CASKIN2: variants seen among roughly 807,000 people sequenced by gnomAD.
The protein encoded by CASKIN2 is CASK interacting protein 2, also known as caskin-2.
A neutral mutation model predicts 107.1 loss-of-function variants in CASKIN2; 41 were observed. That is an observed-to-expected ratio of 0.38 (90% CI 0.30 to 0.50). The LOEUF (loss-of-function observed/expected upper bound fraction) is 0.50. Among genes scored for constraint, CASKIN2 ranks in the 20% least tolerant of loss-of-function variants. The probability of loss-of-function intolerance (pLI) is 0.92; values close to 1 mark genes in which losing one functional copy is unlikely to be tolerated. For missense variants in CASKIN2, 1,546 were observed against 1,657.4 expected (o/e 0.93, Z 1.17); for synonymous variants, 724 against 705.6 (o/e 1.03, Z -0.41).
rs764435621 is a variant in CASKIN2, at chr17:75,507,684, GA to G, written c.147-4del. ...CAGCGTGGTGGAGGGCAGAGAATCT[GA>G]TGTGGGAGGACACAAAGTTAGGGGT... On this transcript the variant is annotated splice_polypyrimidine_tract_variant and splice_region_variant and intron_variant, in intron 3 of 19. Transcript: ENST00000321617. The G allele has an allele frequency of 6.2e-6, 10 of 1,609,066 alleles. No individual in the cohort carries two copies. The East Asian group carries it at 2.2e-4, about 36-fold the overall frequency.
At chr17:75,514,565 C>A (rs2053340576) in intron 1 of CASKIN2, among the ~76,000 whole-genome samples, 2 of 152,208 alleles carry the variant, frequency 1.3e-5, no homozygotes, top group African/African-American at 2.4e-5. Context: ...CACCCACAGA[C>A]AACTGGCGGG....
rs9890605 is a variant in CASKIN2, at chr17:75,514,222, G to A, written c.-404-14C>T. ...GGTCTCAGGGCTCTGGAAAAAGCACGGGGCCTCTGTCGAATGCTGGGCCAC... is the reference window on the plus strand; with the variant it reads ...GGTCTCAGGGCTCTGGAAAAAGCACAGGGCCTCTGTCGAATGCTGGGCCAC... On this transcript the variant is annotated splice_polypyrimidine_tract_variant and intron_variant, in intron 1 of 19. Coordinates refer to ENST00000321617, the MANE Select transcript of CASKIN2 (RefSeq NM_020753.5). 0.86 allele frequency: 377,659 copies of A among 437,846 alleles called. 166,019 individuals are homozygous for A. Among genetic ancestry groups the A allele is most frequent in the African/African-American group, 0.97 (48,763 of 50,102 alleles). 27.1% of individuals were successfully genotyped at this position (437,846 alleles called of 1,614,324 possible).
intron 2 of CASKIN2, among the ~76,000 whole-genome samples, chr17:75,510,402 A>T (rs2053306812): frequency 6.6e-6 from 1 of 152,104 alleles, no homozygotes; most frequent in Non-Finnish European, 1.5e-5. Context: ...AGAAGAAAAA[A>T]GGGGAGTCCT....
intron 12 of CASKIN2, 36 bp downstream of exon 12, chr17:75,504,536 T>A: frequency 6.3e-7 from 1 of 1,594,806 alleles, no homozygotes; most frequent in Non-Finnish European, 8.6e-7. Flanking sequence ...CAGTGGGGAG[T>A]GAGCCCTGAC....
intron 2 of CASKIN2, among the ~76,000 whole-genome samples, chr17:75,511,302 C>T (rs983028612): frequency 8.5e-5 from 13 of 152,078 alleles, no homozygotes; most frequent in Non-Finnish European, 2.9e-5. Context: ...GTCAAGTGAT[C>T]TGCCCACCTC....
chr17:75,503,190 C>A lies in CASKIN2; in HGVS notation c.1884G>T (p.Gln628His). 1.2e-6 allele frequency: 2 copies of A among 1,600,538 alleles called. No homozygotes were observed. Among genetic ancestry groups the A allele is most frequent in the Non-Finnish European group, 1.7e-6 (2 of 1,176,020 alleles). ...RLAELRRGLL[Q>H]GEALSEGGRR... is the part of the protein sequence containing the mutation. ...GCCCGCCTTCGCTGAGGGCCTCCCC[C>A]TGCAGCAGGCCCCGCCGAAGCTCCG... The change falls in exon 18 of 20, where the codon CAG becomes CAT. Residue 628 changes from glutamine to histidine, a missense_variant. Coordinates refer to ENST00000321617, the MANE Select transcript of CASKIN2 (RefSeq NM_020753.5).
rs1360184657 is a variant in CASKIN2 at position 75,501,496 on chromosome 17, TCTC to T, written c.3487_3489del (p.Glu1163del). 6.2e-7 allele frequency: 1 copy of T among 1,611,900 alleles called. No individual in the cohort carries two copies. The highest frequency in any genetic ancestry group is 8.5e-7 in the Non-Finnish European group (1 of 1,179,136). On this transcript the variant is annotated inframe_deletion, in exon 19 of 20. Transcript: ENST00000321617. ...TCTTGCTCCTTGGTGCCAATGCTCT[TCTC>T]TGCGGCTCTCAGTGCAGCTGCCAGG...
At chr17:75,514,321 C>T (rs1009475672) in intron 1 of CASKIN2, 113 bp from the exon 2 acceptor site, 2 of 399,046 alleles carry the variant, frequency 5.0e-6, no homozygotes, top group Non-Finnish European at 8.8e-6. Flanking sequence ...CCAAGCCACC[C>T]TGGCTCCCCT....
At position 75,501,850 on chromosome 17, in the gene CASKIN2, G is replaced by A. The variant is rs1598461851; in HGVS notation, c.3224C>T (p.Ala1075Val). The change falls in exon 18 of 20, where the codon GCA (alanine) becomes GTA (valine). Residue 1075 changes from alanine to valine, a missense_variant. By Grantham distance (64) the Ala-to-Val change is moderately conservative. This residue lies in a region of CASKIN2 where 1,311 missense variants were observed against 1,311.0 expected (regional missense o/e 1.00). Transcript: ENST00000321617. ...PCPGPGLESSAASRWNGETEP... is the reference protein window; with the variant it reads ...PCPGPGLESSVASRWNGETEP... The stretch of plus-strand genomic sequence containing the variant: ...TGTCTCCCCATTCCACCGACTAGCT[G>A]CTGAGCTTTCCAGACCTGGCCCTGG... 2 of 1,559,984 alleles carry A rather than the reference G, an allele frequency of 1.3e-6. No homozygotes were observed. The highest frequency in any genetic ancestry group is 8.7e-7 in the Non-Finnish European group (1 of 1,155,288).
chr17:75,504,779 C>CA (rs775363918), intron 11 of CASKIN2, 33 bp downstream of exon 11: 16 of 1,589,384 alleles, frequency 1.0e-5, no homozygotes, highest in Non-Finnish European at 1.4e-5. Context: ...CACGCCCACA[C>CA]AGTGCCCAGC....
At position 75,505,092 on chromosome 17, in the gene CASKIN2, G is replaced by A. The variant is rs750733479; in HGVS notation, c.931-19C>T. Reference sequence around the variant, plus strand: ...CTAGCACCTGCGGCCAGGGGTGGGGGGCGGGGACGGTCACTCCCAGCACCA... The same window carrying A: ...CTAGCACCTGCGGCCAGGGGTGGGGAGCGGGGACGGTCACTCCCAGCACCA... On this transcript the variant is annotated intron_variant, in intron 10 of 19. Coordinates refer to ENST00000321617, the MANE Select transcript of CASKIN2 (RefSeq NM_020753.5). The surrounding 1 kb of genome is among the most constrained non-coding windows in gnomAD (Gnocchi z 5.1). The A allele has an allele frequency of 1.5e-5, 21 of 1,373,260 alleles. No homozygotes were observed. The Middle Eastern group carries it at 6.3e-4, about 41-fold the overall frequency. The allele number at this position is 1,373,260 out of a possible 1,614,324, so 85.1% of individuals were successfully genotyped here.
Position 75,506,272 on chromosome 17 carries a change from G to C in CASKIN2, c.726+33C>G, listed in dbSNP as rs373448743. On this transcript the variant is annotated intron_variant, in intron 8 of 19. Coordinates refer to ENST00000321617, the MANE Select transcript of CASKIN2 (RefSeq NM_020753.5). This position sits in a 1 kb window ranked among gnomAD's most constrained non-coding sequence, Gnocchi z 4.8. ...AGGGGCACAGGGCAGAGGCTCCATG[G>C]ACACCTGCGAGGGAGCAGGGGCCCA... 1.0e-5 allele frequency: 16 copies of C among 1,558,844 alleles called. No homozygotes were observed. The African/African-American group carries it at 1.8e-4, about 17-fold the overall frequency.
intron 2 of CASKIN2, among the ~76,000 whole-genome samples, chr17:75,512,451 A>T (rs2053322677): frequency 6.6e-6 from 1 of 152,186 alleles, no homozygotes; most frequent in Non-Finnish European, 1.5e-5. Context: ...CCGCTTGTGC[A>T]TGGATCCCCC....
intron 14 of CASKIN2, 76 bp downstream of exon 14, chr17:75,504,139 C>CG (rs2053236180): frequency 1.4e-6 from 2 of 1,447,254 alleles, no homozygotes; most frequent in Non-Finnish European, 1.9e-6. Context: ...ACCTTCCCCC[C>CG]CGAGGCCCAC....
chr17:75,502,684 C>A lies in CASKIN2; in HGVS notation c.2390G>T (p.Arg797Leu), dbSNP rs756589076. The change falls in exon 18 of 20, where the codon CGG (arginine) becomes CTG (leucine). Residue 797 changes from arginine (R) to leucine (L), a missense_variant. Physicochemically the swap from Arg to Leu is moderately radical, Grantham distance 102. Coordinates refer to ENST00000321617, the MANE Select transcript of CASKIN2 (RefSeq NM_020753.5). The surrounding 1 kb of genome is among the most constrained non-coding windows in gnomAD (Gnocchi z 4.3). ...TPPDPPRPKR[R>L]SHSLSRPGPT... ...GCCAGGGCGGCTTAGGCTGTGGGAC[C>A]GGCGCTTAGGTCGAGGCGGGTCTGG... 1 of 1,596,210 alleles carries A rather than the reference C, an allele frequency of 6.3e-7. No homozygotes were observed. The highest frequency in any genetic ancestry group is 2.3e-5 in the East Asian group (1 of 44,116).
chr17:75,508,110 T>G lies in CASKIN2; in HGVS notation c.146+124A>C, dbSNP rs1022218049. On this transcript the variant is annotated intron_variant, in intron 3 of 19. Transcript: ENST00000321617. ...GGCCCACAGCTCGCAGCAAATACACTTCCAGGGCCAAGTCTGAGAGGGAAA... is the reference window on the plus strand; with the variant it reads ...GGCCCACAGCTCGCAGCAAATACACGTCCAGGGCCAAGTCTGAGAGGGAAA... 1.7e-5 allele frequency: 19 copies of G among 1,103,412 alleles called. No individual in the cohort carries two copies. The African/African-American group carries it at 2.8e-4, about 16-fold the overall frequency. 68.4% of individuals were successfully genotyped at this position (1,103,412 alleles called of 1,614,324 possible). A position where few individuals can be genotyped will look rare whatever the true frequency, so the allele number is the denominator to read the frequency against.
Position 75,504,986 on chromosome 17 carries a change from C to G in CASKIN2, c.1018G>C (p.Gly340Arg). 1 of 1,612,360 alleles carries G rather than the reference C, an allele frequency of 6.2e-7. No homozygotes were observed. The change falls in exon 11 of 20, where the codon GGC becomes CGC. Residue 340 changes from glycine to arginine, a missense_variant. Physicochemically the swap from Gly to Arg is moderately radical, Grantham distance 125 (BLOSUM62 -2). Transcript: ENST00000321617. ...CGCTTGCTGACCACCTCGACAATGC[C>G]CGGGGGGAAGTAGCCTATGCGGTCT... ...GTDRIGYFPP[G>R]IVEVVSKRVG...
intron 2 of CASKIN2, among the ~76,000 whole-genome samples, chr17:75,510,210 G>A (rs568277045): frequency 3.3e-5 from 5 of 152,316 alleles, no homozygotes; most frequent in Non-Finnish European, 7.4e-5. Context: ...AGGGAGTGGT[G>A]CGGCGAGGGG....
At position 75,502,388 on chromosome 17, in the gene CASKIN2, T is replaced by C. The variant is rs202153032; in HGVS notation, c.2686A>G (p.Lys896Glu). 1,267 of 1,328,176 alleles carry C rather than the reference T, an allele frequency of 9.5e-4. 5 individuals carry two copies. The Middle Eastern group carries it at 0.03, about 32-fold the overall frequency. 82.3% of individuals were successfully genotyped at this position (1,328,176 alleles called of 1,614,324 possible). A position where few individuals can be genotyped will look rare whatever the true frequency, so the allele number is the denominator to read the frequency against. ...CTTCGGGGCCCTGTGGCCCCTTCCT[T>C]GGGCCCTGGGCTCTCATCTAGTGGA... is the stretch of plus-strand genomic sequence containing the variant. ...PPPLDESPGPKEGATGPRRRT... is the reference protein window; with the variant it reads ...PPPLDESPGPEEGATGPRRRT... Residue 896 changes from lysine (K) to glutamate (E), a missense_variant, in exon 18 of 20, where the codon AAG becomes GAG. By Grantham distance (56) the Lys-to-Glu change is moderately conservative. Around this residue, in one of 6 missense-constraint regions of CASKIN2, gnomAD observed 1,311 missense variants for 1,311.0 expected, o/e 1.00. Transcript: ENST00000321617. The surrounding 1 kb of genome is among the most constrained non-coding windows in gnomAD (Gnocchi z 4.3).
Sources: allele counts gnomAD v4.1 joint callset (sites outside exome capture counted in the v4.1 genomes callset), GRCh38; gene constraint gnomAD v4.1.1; regional missense constraint gnomAD v4.1.1; non-coding constraint Gnocchi (gnomAD v3.1); transcripts MANE v1.5; gene names NCBI Gene and HGNC (gene_info 2026-07-23, HGNC 2026-07-21).